The following RBFOX1 variants were observed in gnomAD, a reference collection of about 807,000 sequenced individuals.
The protein encoded by RBFOX1 is RNA binding protein fox-1 homolog 1.
Under a neutral mutation model 57.7 loss-of-function variants are expected in RBFOX1, and 8 were observed. That is an observed-to-expected ratio of 0.14 (90% CI 0.08 to 0.25). The LOEUF is 0.25. RBFOX1 is among the 10% of genes least tolerant of loss of function. The pLI, the probability that RBFOX1 is intolerant of heterozygous loss-of-function variation, is 1.00. For synonymous variants in RBFOX1, 326 were observed against 222.4 expected (o/e 1.47, Z -4.15); for missense variants, 611 against 548.5 (o/e 1.11, Z -1.14).
At chr16:5,748,175 T>C (rs2053058911) in intron 3 of RBFOX1, among the ~76,000 whole-genome samples, 1 of 152,140 alleles carries the variant, frequency 6.6e-6, no homozygotes, top group Admixed American at 6.6e-5. Context: ...TTCGATGTAG[T>C]TGAGTGGTTT....
chr16:5,737,009 C>T (rs2052601824), intron 3 of RBFOX1, among the ~76,000 whole-genome samples: 2 of 151,472 alleles, frequency 1.3e-5, no homozygotes. Flanking sequence ...GTCTCATCCT[C>T]TTTCCCTCAA....
chr16:6,153,033 G>GTTTTTTTTTTTTTTTTTTTTATTTT (rs59957159), intron 1 of RBFOX1, among the ~76,000 whole-genome samples: 1 of 128,134 alleles, frequency 7.8e-6, no homozygotes. Flanking sequence ...GTTATTTTCT[G>GTTTTTTTTTTTTTTTTTTTTATTTT]TTTTTTTTTT....
chr16:7,402,211 C>T (rs1468339543), intron 4 of RBFOX1, among the ~76,000 whole-genome samples: 1 of 152,084 alleles, frequency 6.6e-6, no homozygotes, highest in Non-Finnish European at 1.5e-5. Context: ...TAAGTACTCA[C>T]TGAGTCTTGT....
At chr16:7,600,788 G>C (rs1338733674) in intron 9 of RBFOX1, among the ~76,000 whole-genome samples, 2 of 152,192 alleles carry the variant, frequency 1.3e-5, no homozygotes, top group African/African-American at 2.4e-5. Flanking sequence ...TAAATGTGAT[G>C]AGATACCTGT....
At position 7,607,357 on chromosome 16, in the gene RBFOX1, C is replaced by T; in HGVS notation, c.676+19C>T. On this transcript the variant is annotated intron_variant, in intron 10 of 15. Coordinates refer to ENST00000550418, the MANE Select transcript of RBFOX1 (RefSeq NM_018723.4). ...TATGCAGGTACAGAGTTTCTCTTTG[C>T]ACGAAGTCTTCTCAGTCTTTTCTAA... 6.2e-7 allele frequency: 1 copy of T among 1,605,342 alleles called. No individual in the cohort carries two copies. Among genetic ancestry groups the T allele is most frequent in the Non-Finnish European group, 8.5e-7 (1 of 1,176,496 alleles).
rs1299688987 is a variant in RBFOX1, at chr16:7,436,728, G to T, written c.28-81419G>T. ...ACCTCCCATCTCAGTGAAATAGCTA[G>T]AAAATTATTTGGTCTCCTTGCTGAG... On this transcript the variant is annotated intron_variant, in intron 4 of 15. Coordinates refer to ENST00000550418, the MANE Select transcript of RBFOX1 (RefSeq NM_018723.4). Among the ~76,000 whole-genome samples the T allele has an allele frequency of 4.6e-5, 7 of 152,208 alleles. No homozygotes were observed. In the East Asian group the frequency reaches 1.4e-3, roughly 29 times the overall value.
intron 1 of RBFOX1, among the ~76,000 whole-genome samples, chr16:6,130,071 T>A (rs185811232): frequency 6.6e-6 from 1 of 152,268 alleles, no homozygotes; most frequent in Non-Finnish European, 1.5e-5. Context: ...AAGGAAGCTC[T>A]GATATAATGA....
chr16:6,733,413 A>G (rs2069181749), intron 3 of RBFOX1, among the ~76,000 whole-genome samples: 1 of 152,216 alleles, frequency 6.6e-6, no homozygotes, highest in Non-Finnish European at 1.5e-5. Context: ...TGTCAGCTGA[A>G]CCCACTCAGT....
chr16:5,531,419 A>C (rs1310669249), intron 2 of RBFOX1, among the ~76,000 whole-genome samples: 2 of 152,256 alleles, frequency 1.3e-5, no homozygotes, highest in African/African-American at 2.4e-5. Flanking sequence ...TTGAGAACTC[A>C]CAAAGGCTTA....
At chr16:7,371,595 C>G (rs150961004) in intron 4 of RBFOX1, among the ~76,000 whole-genome samples, 3 of 152,176 alleles carry the variant, frequency 2.0e-5, no homozygotes, top group African/African-American at 7.2e-5. Flanking sequence ...ACTAAAAATA[C>G]AAAAATTAGC....
At chr16:6,315,803 G>C (rs553128913) in intron 1 of RBFOX1, among the ~76,000 whole-genome samples, 2 of 152,182 alleles carry the variant, frequency 1.3e-5, no homozygotes, top group East Asian at 3.9e-4. Context: ...CCAATATTTT[G>C]AAGTCACTTG....
At chr16:7,550,588 A>T (rs1405171455) in intron 5 of RBFOX1, among the ~76,000 whole-genome samples, 1 of 152,082 alleles carries the variant, frequency 6.6e-6, no homozygotes, top group African/African-American at 2.4e-5. Context: ...ATATTAACAA[A>T]CAGTGCTCAA....
At chr16:5,394,901 G>A (rs914152008) in intron 1 of RBFOX1, among the ~76,000 whole-genome samples, 2 of 151,994 alleles carry the variant, frequency 1.3e-5, no homozygotes, top group Admixed American at 1.3e-4. Context: ...TGCTAGGACT[G>A]AAGTGGTAAC....
chr16:5,397,788 A>AT (rs1469168693), intron 1 of RBFOX1, among the ~76,000 whole-genome samples: 1 of 152,160 alleles, frequency 6.6e-6, no homozygotes, highest in African/African-American at 2.4e-5. Context: ...TTGATATTTG[A>AT]TTTTATTAAG....
intron 3 of RBFOX1, among the ~76,000 whole-genome samples, chr16:6,779,585 C>T (rs909938159): frequency 1.3e-5 from 2 of 148,640 alleles, no homozygotes; most frequent in Non-Finnish European, 3.0e-5. Context: ...TTTGAAGAAC[C>T]TCCATACTAT....
intron 4 of RBFOX1, among the ~76,000 whole-genome samples, chr16:7,428,462 G>T (rs1192622214): frequency 6.8e-6 from 1 of 146,098 alleles, no homozygotes; most frequent in African/African-American, 2.5e-5. Context: ...GAGTAGCTGG[G>T]ATTACAGGCA....
chr16:7,320,341 T>C (rs1401568029), intron 4 of RBFOX1, among the ~76,000 whole-genome samples: 1 of 152,136 alleles, frequency 6.6e-6, no homozygotes, highest in Non-Finnish European at 1.5e-5. Flanking sequence ...TGGTTTTCTG[T>C]TCTTGTGTTA....
intron 1 of RBFOX1, among the ~76,000 whole-genome samples, chr16:5,313,074 T>C (rs2151226120): frequency 6.6e-6 from 1 of 152,278 alleles, no homozygotes; most frequent in South Asian, 2.1e-4. Flanking sequence ...CTGGGCGCTT[T>C]CTGTGAACTG....
chr16:5,636,971 A>G (rs1317469706), intron 3 of RBFOX1, among the ~76,000 whole-genome samples: 1 of 152,198 alleles, frequency 6.6e-6, no homozygotes. Context: ...CTGCTAATCC[A>G]TATGCATTTG....
Sources: allele counts gnomAD v4.1 joint callset (sites outside exome capture counted in the v4.1 genomes callset), GRCh38; gene constraint gnomAD v4.1.1; transcripts MANE v1.5; gene names NCBI Gene and HGNC (gene_info 2026-07-23, HGNC 2026-07-21).